Variants in ARIH2 observed in about 807,000 individuals in gnomAD.
ARIH2 encodes E3 ubiquitin-protein ligase ARIH2.
In ARIH2, 12 loss-of-function variants were observed where a neutral mutation model predicts 79.8. That is an observed-to-expected ratio of 0.15 (90% CI 0.10 to 0.24). The LOEUF is 0.24. Among genes scored for constraint, ARIH2 ranks in the 10% least tolerant of loss-of-function variants. The probability of loss-of-function intolerance (pLI) is 1.00; values close to 1 mark genes in which losing one functional copy is unlikely to be tolerated. For synonymous variants in ARIH2, 224 were observed against 213.9 expected (o/e 1.05, Z -0.41); for missense variants, 301 against 618.3 (o/e 0.49, Z 5.44).
chr3:48,964,138 C>T (rs562869636), intron 4 of ARIH2, among the ~76,000 whole-genome samples: 1 of 152,066 alleles, frequency 6.6e-6, no homozygotes, highest in South Asian at 2.1e-4. Context: ...TCAAGCGATC[C>T]TCCTGCTTCA....
At position 48,950,128 on chromosome 3, in the gene ARIH2, G is replaced by A. The variant is rs1463733732; in HGVS notation, c.256-11484G>A. The stretch of plus-strand genomic sequence containing the variant: ...GGTATGAAGTAATGGTCTGTGTTCT[G>A]TGTTTTGTTTGTTATGTATAAACAA... On this transcript the variant is annotated intron_variant, in intron 3 of 15. Transcript: ENST00000356401. 2.6e-5 allele frequency among the ~76,000 whole-genome samples: 4 copies of A among 152,198 alleles called. No homozygotes were observed. The East Asian group carries it at 7.7e-4, about 29-fold the overall frequency.
intron 3 of ARIH2, among the ~76,000 whole-genome samples, chr3:48,941,171 CA>C (rs11353326): frequency 0.67 from 88,703 of 131,982 alleles, 28,912 homozygotes; most frequent in East Asian, 0.95. Context: ...GACTCCGTCT[CA>C]AAAAAAAAAA....
intron 8 of ARIH2, among the ~76,000 whole-genome samples, chr3:48,973,134 G>C (rs1193816428): frequency 6.6e-6 from 1 of 152,226 alleles, no homozygotes; most frequent in Non-Finnish European, 1.5e-5. Flanking sequence ...AGCCTTGAGA[G>C]ATAACTTTAC....
At chr3:48,935,704 T>C (rs1182986279) in intron 3 of ARIH2, among the ~76,000 whole-genome samples, 1 of 152,212 alleles carries the variant, frequency 6.6e-6, no homozygotes, top group African/African-American at 2.4e-5. Flanking sequence ...ATAATGCAGA[T>C]AAAGTGCCTG....
chr3:48,933,237 T>G (rs1474458569), intron 3 of ARIH2, among the ~76,000 whole-genome samples: 1 of 1,268 alleles, frequency 7.9e-4, no homozygotes, highest in Non-Finnish European at 1.8e-3. Flanking sequence ...CATGCCCGGG[T>G]GTGTGTGTGT....
chr3:48,968,479 G>T (rs1190990537), intron 6 of ARIH2, 55 bp from the exon 7 acceptor site: 1 of 1,569,514 alleles, frequency 6.4e-7, no homozygotes, highest in Non-Finnish European at 8.7e-7. Context: ...AAAGTGCTGG[G>T]ATTACAGGCA....
At chr3:48,949,433 G>A (rs1273107215) in intron 3 of ARIH2, among the ~76,000 whole-genome samples, 9 of 152,150 alleles carry the variant, frequency 5.9e-5, no homozygotes, top group Admixed American at 5.9e-4. Flanking sequence ...GAAATAAACT[G>A]TTTTCCAAAG....
intron 1 of ARIH2, chr3:48,919,202 G>A: frequency 1.6e-6 from 2 of 1,283,512 alleles, no homozygotes; most frequent in Non-Finnish European, 9.8e-7. Context: ...TTTTCCTCCC[G>A]CCGCCTTCTC....
chr3:48,940,920 AG>A (rs1431835070), intron 3 of ARIH2, among the ~76,000 whole-genome samples: 1 of 151,516 alleles, frequency 6.6e-6, no homozygotes, highest in Non-Finnish European at 1.5e-5. Context: ...CTGTAATCCC[AG>A]CACTTTGGGA....
chr3:48,949,257 A>C (rs1019805885), intron 3 of ARIH2, among the ~76,000 whole-genome samples: 1 of 152,080 alleles, frequency 6.6e-6, no homozygotes, highest in African/African-American at 2.4e-5. Flanking sequence ...AGCTGGGACT[A>C]CAGGCGCCCG....
chr3:48,919,182 T>G, intron 1 of ARIH2, 184 bp downstream of exon 1: 4 of 1,298,070 alleles, frequency 3.1e-6, no homozygotes, highest in Non-Finnish European at 2.9e-6. Flanking sequence ...GCCCAGCGTG[T>G]GTCTGCCTTT....
intron 8 of ARIH2, among the ~76,000 whole-genome samples, chr3:48,972,777 G>A (rs770255300): frequency 1.3e-5 from 2 of 151,778 alleles, no homozygotes; most frequent in Non-Finnish European, 2.9e-5. Context: ...ACAGTGATGC[G>A]AACACAGCTC....
intron 14 of ARIH2, among the ~76,000 whole-genome samples, chr3:48,982,279 A>G (rs868712385): frequency 1.3e-5 from 2 of 152,192 alleles, no homozygotes; most frequent in Non-Finnish European, 2.9e-5. Flanking sequence ...TATATATAAC[A>G]TTTTATTGTT....
chr3:48,944,915 A>C (rs2088902660), intron 3 of ARIH2: 1 of 369,212 alleles, frequency 2.7e-6, no homozygotes, highest in African/African-American at 2.1e-5. Context: ...GTCCCATTCT[A>C]GCCATTCTAG....
At chr3:48,965,919 C>A (rs548134780) in intron 5 of ARIH2, among the ~76,000 whole-genome samples, 1 of 152,122 alleles carries the variant, frequency 6.6e-6, no homozygotes, top group South Asian at 2.1e-4. Context: ...CAAGATCGCA[C>A]CCCTGCATGC....
At chr3:48,983,101 T>C (rs1342378050) in intron 15 of ARIH2, 98 bp from the exon 16 acceptor site, 16 of 1,528,926 alleles carry the variant, frequency 1.0e-5, no homozygotes, top group Middle Eastern at 1.7e-4. Context: ...GGCAGTGTTT[T>C]TGACTCCTTG....
intron 3 of ARIH2, chr3:48,934,523 G>C: frequency 1.0e-6 from 1 of 985,322 alleles, no homozygotes; most frequent in Non-Finnish European, 1.2e-6. Flanking sequence ...GCAGCCCTCT[G>C]ATTTCTATTT....
At chr3:48,928,647 A>C (rs748966340) in intron 3 of ARIH2, among the ~76,000 whole-genome samples, 15 of 152,172 alleles carry the variant, frequency 9.9e-5, no homozygotes, top group Non-Finnish European at 1.9e-4. Flanking sequence ...CAACCAAATA[A>C]ATTTTATTGG....
intron 3 of ARIH2, among the ~76,000 whole-genome samples, chr3:48,953,417 T>C (rs2090187563): frequency 6.6e-6 from 1 of 152,190 alleles, no homozygotes; most frequent in Non-Finnish European, 1.5e-5. Flanking sequence ...TTTTATTTTT[T>C]ATTTTAGACG....
Sources: allele counts gnomAD v4.1 joint callset (sites outside exome capture counted in the v4.1 genomes callset), GRCh38; gene constraint gnomAD v4.1.1; transcripts MANE v1.5; gene names NCBI Gene and HGNC (gene_info 2026-07-23, HGNC 2026-07-21).